The following DNAH8 variants were observed in gnomAD, a reference collection of about 807,000 sequenced individuals.
DNAH8 encodes axonemal beta dynein heavy chain 8.
A neutral mutation model predicts 562.1 loss-of-function variants in DNAH8; 382 were observed. The observed-to-expected ratio is 0.68, with a 90% confidence interval of 0.63 to 0.74. The LOEUF (loss-of-function observed/expected upper bound fraction) is 0.74, where lower values mean the gene tolerates loss of function less well. Ranked by LOEUF, DNAH8 falls within the 30% of genes least tolerant of loss-of-function variation. DNAH8 has a pLI of 0.00. For missense variants in DNAH8, 5,203 were observed against 5,620.4 expected, an observed-to-expected ratio of 0.93 and a Z score of 2.37; for synonymous variants, 1,881 against 1,919.4, an observed-to-expected ratio of 0.98 and a Z score of 0.52.
At chr6:38,991,170 T>A (rs560646834) in intron 88 of DNAH8, among the ~76,000 whole-genome samples, 6 of 152,352 alleles carry the variant, frequency 3.9e-5, no homozygotes, top group African/African-American at 1.4e-4. Flanking sequence ...CCTAGCTCCC[T>A]GCATGAGGAT....
chr6:38,906,393 C>T lies in DNAH8; in HGVS notation c.9334C>T (p.Leu3112=). 1 of 1,604,428 alleles carries T rather than the reference C, an allele frequency of 6.2e-7. No individual in the cohort carries two copies. The highest frequency in any genetic ancestry group is 8.5e-7 in the Non-Finnish European group (1 of 1,175,848). ...ATTTCTAGAATACCTTAACAACTTGCTATCTTCAGGGGAGGTAAGTCTCAA... is the reference window on the plus strand; with the variant it reads ...ATTTCTAGAATACCTTAACAACTTGTTATCTTCAGGGGAGGTAAGTCTCAA... ...EAFLEYLNNL[L]SSGEISNLFA... The change falls in exon 63 of 93, where the codon CTA becomes TTA. Residue 3112 remains leucine, a synonymous_variant. Transcript: ENST00000327475.
chr6:39,025,507 A>G (rs1041138987), intron 91 of DNAH8, among the ~76,000 whole-genome samples: 50 of 152,210 alleles, frequency 3.3e-4, no homozygotes, highest in African/African-American at 1.2e-3. Context: ...GTCTCATTTA[A>G]TAATGGGGAG....
intron 66 of DNAH8, among the ~76,000 whole-genome samples, chr6:38,913,645 A>G (rs967087968): frequency 1.3e-5 from 2 of 152,090 alleles, no homozygotes; most frequent in African/African-American, 4.8e-5. Flanking sequence ...GGTCAGAGCT[A>G]TTTTCTTTGC....
chr6:38,906,164 C>A, intron 62 of DNAH8, 90 bp from the exon 63 acceptor site: 1 of 739,758 alleles, frequency 1.4e-6, no homozygotes. Context: ...GCCTTGGCCT[C>A]CCAAAGTGCT....
At chr6:39,007,089 A>G (rs1477232240) in intron 88 of DNAH8, among the ~76,000 whole-genome samples, 1 of 152,056 alleles carries the variant, frequency 6.6e-6, no homozygotes, top group Non-Finnish European at 1.5e-5. Flanking sequence ...AGGATTTTTT[A>G]TTGTATTGCC....
chr6:38,908,405 A>G (rs1780639276), intron 64 of DNAH8, among the ~76,000 whole-genome samples: 1 of 152,194 alleles, frequency 6.6e-6, no homozygotes, highest in Non-Finnish European at 1.5e-5. Flanking sequence ...AACCTCGTCC[A>G]GCTCCACCTC....
At chr6:38,733,440 G>T (rs1625177) in intron 4 of DNAH8, among the ~76,000 whole-genome samples, 10,283 of 152,272 alleles carry the variant, frequency 0.068, 377 homozygotes, top group South Asian at 0.11. Flanking sequence ...GGGGGAGTCA[G>T]TGAAGGCTTC....
At chr6:38,802,445 C>T (rs1462570770) in intron 21 of DNAH8, among the ~76,000 whole-genome samples, 1 of 152,198 alleles carries the variant, frequency 6.6e-6, no homozygotes, top group Non-Finnish European at 1.5e-5. Flanking sequence ...ATTTTGTGGG[C>T]ATGTCAAAAG....
At chr6:38,946,937 G>T (rs1461821220) in intron 80 of DNAH8, among the ~76,000 whole-genome samples, 1 of 152,126 alleles carries the variant, frequency 6.6e-6, no homozygotes, top group Non-Finnish European at 1.5e-5. Context: ...TTGATACAAG[G>T]ATATTTATTA....
At chr6:38,910,866 C>CT (rs764538761) in intron 65 of DNAH8, among the ~76,000 whole-genome samples, 1 of 152,160 alleles carries the variant, frequency 6.6e-6, no homozygotes, top group Non-Finnish European at 1.5e-5. Flanking sequence ...GTGAAGAACT[C>CT]TTTTTTCACT....
rs376577622 is a variant in DNAH8 at position 38,931,795 on chromosome 6, A to G, written c.11275-16A>G. On this transcript the variant is annotated splice_polypyrimidine_tract_variant and intron_variant, in intron 75 of 92. Transcript: ENST00000327475. ...CCCTTTAAGCTGTTTTTAATTTTAT[A>G]TGTGAATTTATGTAGGTGAAAGTCG... 6 of 1,508,184 alleles carry G rather than the reference A, an allele frequency of 4.0e-6. No individual in the cohort carries two copies. The highest frequency in any genetic ancestry group is 5.3e-6 in the Non-Finnish European group (6 of 1,122,676). 93.4% of individuals were successfully genotyped at this position (1,508,184 alleles called of 1,614,324 possible). A position where few individuals can be genotyped will look rare whatever the true frequency, so the allele number is the denominator to read the frequency against.
intron 82 of DNAH8, among the ~76,000 whole-genome samples, chr6:38,953,498 C>G (rs929684224): frequency 3.3e-5 from 5 of 152,162 alleles, no homozygotes; most frequent in Non-Finnish European, 5.9e-5. Flanking sequence ...TTGGTGGTTT[C>G]CGTTTCTTGG....
intron 69 of DNAH8, 28 bp from the exon 70 acceptor site, chr6:38,917,897 A>G (rs1050250831): frequency 2.5e-5 from 39 of 1,533,704 alleles, no homozygotes; most frequent in Non-Finnish European, 3.3e-5. Flanking sequence ...TTCTTCCAGA[A>G]CTTACAGGTT....
chr6:39,016,065 C>T (rs975090749), intron 91 of DNAH8, among the ~76,000 whole-genome samples: 3 of 152,224 alleles, frequency 2.0e-5, no homozygotes, highest in Non-Finnish European at 2.9e-5. Context: ...CTACTCCATA[C>T]ATGTTCCCAG....
In DNAH8 at chr6:38,825,811, T is replaced by C. The variant is rs1738209; in HGVS notation, c.3848-345T>C. On this transcript the variant is annotated intron_variant, in intron 28 of 92. Transcript: ENST00000327475. ...AGATTTCACTCCACCTCATGGGATCTCTCGAGAAAAATGCGAGAATGAATG... is the reference window on the plus strand; with the variant it reads ...AGATTTCACTCCACCTCATGGGATCCCTCGAGAAAAATGCGAGAATGAATG... 0.21 allele frequency among the ~76,000 whole-genome samples: 31,938 copies of C among 151,922 alleles called. 4,206 individuals carry two copies. The highest frequency in any genetic ancestry group is 0.37 in the African/African-American group (15,138 of 41,360).
In DNAH8 at chr6:38,851,400, TG is replaced by T. The variant is rs530590846; in HGVS notation, c.5364-170del. Among the ~76,000 whole-genome samples, 204 of 152,310 alleles carry T rather than the reference TG, an allele frequency of 1.3e-3. 1 individual carries two copies. Among genetic ancestry groups the T allele is most frequent in the African/African-American group, 4.7e-3 (197 of 41,570 alleles). On this transcript the variant is annotated intron_variant, in intron 38 of 92. Coordinates refer to ENST00000327475, the MANE Select transcript of DNAH8 (RefSeq NM_001206927.2). Reference sequence around the variant, plus strand: ...CTCTTGTTTTCCCAAGTGTCATCCATGGTGGAGCATGGACTTTGGTTTTCAC... The same window carrying T: ...CTCTTGTTTTCCCAAGTGTCATCCATGTGGAGCATGGACTTTGGTTTTCAC...
rs779435949 is a variant in DNAH8, at chr6:38,976,164, AG to A, written c.12834+1637del. 3.9e-5 allele frequency among the ~76,000 whole-genome samples: 6 copies of A among 152,392 alleles called. No individual in the cohort carries two copies. The South Asian group carries it at 1.2e-3, about 32-fold the overall frequency. On this transcript the variant is annotated intron_variant, in intron 85 of 92. Transcript: ENST00000327475. ...TAGAAATAACACTTCACTAAGAGTC[AG>A]GAGGCCTGGACTTTCGTGCTTGCTG...
At chr6:38,948,321 A>G (rs1761600299) in intron 80 of DNAH8, among the ~76,000 whole-genome samples, 1 of 151,756 alleles carries the variant, frequency 6.6e-6, no homozygotes, top group Non-Finnish European at 1.5e-5. Flanking sequence ...TGGCTTTTTT[A>G]TTTTAATTTT....
At chr6:38,834,456 A>G (rs1375186016) in intron 31 of DNAH8, 123 bp from the exon 32 acceptor site, 2 of 614,866 alleles carry the variant, frequency 3.3e-6, no homozygotes, top group Non-Finnish European at 5.6e-6. Context: ...AGTACAGGAC[A>G]CAATTAAATA....
Sources: allele counts gnomAD v4.1 joint callset (sites outside exome capture counted in the v4.1 genomes callset), GRCh38; gene constraint gnomAD v4.1.1; transcripts MANE v1.5; gene names NCBI Gene and HGNC (gene_info 2026-07-23, HGNC 2026-07-21).